Variants in CNTNAP2 observed in about 807,000 individuals in gnomAD.
CNTNAP2 encodes contactin associated protein 2.
Under a neutral mutation model 155.2 loss-of-function variants are expected in CNTNAP2, and 98 were observed. That is an observed-to-expected ratio of 0.63 (90% confidence interval 0.54 to 0.75). The LOEUF is 0.75. Ranked by LOEUF, CNTNAP2 falls within the 30% of genes least tolerant of loss-of-function variation. The pLI is 0.00. For missense variants in CNTNAP2, 1,727 were observed against 1,688.1 expected (o/e 1.02, Z -0.40); for synonymous variants, 651 against 631.2 (o/e 1.03, Z -0.47).
At chr7:147,880,580 G>A (rs1036929389) in intron 13 of CNTNAP2, among the ~76,000 whole-genome samples, 1 of 147,054 alleles carries the variant, frequency 6.8e-6, no homozygotes, top group Non-Finnish European at 1.5e-5. Flanking sequence ...GACTTGGAAA[G>A]TGCCAACTTT....
At chr7:148,400,532 C>T (rs1000373180) in intron 22 of CNTNAP2, among the ~76,000 whole-genome samples, 8 of 152,154 alleles carry the variant, frequency 5.3e-5, no homozygotes, top group African/African-American at 1.9e-4. Context: ...AAATTGGTTC[C>T]AGGACCCCCA....
intron 1 of CNTNAP2, among the ~76,000 whole-genome samples, chr7:146,608,117 A>C (rs895356124): frequency 1.3e-5 from 2 of 152,224 alleles, no homozygotes; most frequent in African/African-American, 4.8e-5. Flanking sequence ...TAAACTAAAC[A>C]AATACTTTAT....
At chr7:147,871,492 T>C (rs534686329) in intron 13 of CNTNAP2, among the ~76,000 whole-genome samples, 25 of 152,222 alleles carry the variant, frequency 1.6e-4, no homozygotes, top group African/African-American at 6.0e-4. Flanking sequence ...TGCCAGAAGG[T>C]CTATTGGTTC....
intron 9 of CNTNAP2, among the ~76,000 whole-genome samples, chr7:147,350,240 A>T (rs1204547654): frequency 6.6e-6 from 1 of 151,928 alleles, no homozygotes; most frequent in Non-Finnish European, 1.5e-5. Context: ...AGAATTCTTC[A>T]GTGCATTTTC....
chr7:147,649,506 T>C (rs982547310), intron 13 of CNTNAP2, among the ~76,000 whole-genome samples: 3 of 152,178 alleles, frequency 2.0e-5, no homozygotes, highest in African/African-American at 7.2e-5. Flanking sequence ...GTTAATCTTT[T>C]TTAAACAAAG....
At chr7:147,758,901 G>A (rs1797257656) in intron 13 of CNTNAP2, among the ~76,000 whole-genome samples, 1 of 152,184 alleles carries the variant, frequency 6.6e-6, no homozygotes, top group African/African-American at 2.4e-5. Context: ...GCAGCCATGG[G>A]CATTTGCTTC....
chr7:146,433,482 G>T (rs542782146), intron 1 of CNTNAP2, among the ~76,000 whole-genome samples: 1 of 152,010 alleles, frequency 6.6e-6, no homozygotes. Flanking sequence ...ATTGACAAAG[G>T]CTTCTCTTTA....
At chr7:147,353,856 T>C (rs1796011888) in intron 9 of CNTNAP2, among the ~76,000 whole-genome samples, 1 of 152,170 alleles carries the variant, frequency 6.6e-6, no homozygotes, top group African/African-American at 2.4e-5. Flanking sequence ...TGAGATGGTA[T>C]CTTATTGTGG....
In CNTNAP2 at chr7:147,394,807, TTGTGTGTG is replaced by T. The variant is rs61695156; in HGVS notation, c.1499-768_1499-761del. Reference sequence around the variant, plus strand: ...CTATTTCCTAATAGAATCAACAGTATTGTGTGTGTGTGTGTGTGTGTGTGTGTGTGTGT... The same window carrying T: ...CTATTTCCTAATAGAATCAACAGTATTGTGTGTGTGTGTGTGTGTGTGTGT... On this transcript the variant is annotated intron_variant, in intron 9 of 23. Coordinates refer to ENST00000361727, the MANE Select transcript of CNTNAP2 (RefSeq NM_014141.6). Among the ~76,000 whole-genome samples, 1,011 of 139,346 alleles carry T rather than the reference TTGTGTGTG, an allele frequency of 7.3e-3. 8 individuals carry two copies. The highest frequency in any genetic ancestry group is 0.046 in the East Asian group (219 of 4,748). The allele number at this position is 139,346 out of a possible 152,430, so 91.4% of individuals were successfully genotyped here.
intron 11 of CNTNAP2, among the ~76,000 whole-genome samples, chr7:147,542,796 G>T (rs1450241530): frequency 6.6e-6 from 1 of 152,182 alleles, no homozygotes; most frequent in African/African-American, 2.4e-5. Flanking sequence ...GTCACATATT[G>T]CTAGGCATCT....
intron 10 of CNTNAP2, among the ~76,000 whole-genome samples, chr7:147,466,442 G>A (rs1051697910): frequency 2.0e-5 from 3 of 152,114 alleles, no homozygotes; most frequent in Non-Finnish European, 4.4e-5. Flanking sequence ...GGGAAAAGGG[G>A]TTCTGGTTTC....
rs1415565959 is a variant in CNTNAP2 at position 148,217,270 on chromosome 7, C to T, written c.3011-18C>T. 2 of 1,613,024 alleles carry T rather than the reference C, an allele frequency of 1.2e-6. No homozygotes were observed. Among genetic ancestry groups the T allele is most frequent in the Non-Finnish European group, 1.7e-6 (2 of 1,179,098 alleles). On this transcript the variant is annotated intron_variant, in intron 18 of 23. Transcript: ENST00000361727. ...AGACCTCTCCTCATTTTTCAATTCT[C>T]TCTCTCCTTTATAACAGATGTTGGT... is the stretch of plus-strand genomic sequence containing the variant.
chr7:146,672,751 A>C (rs1415412779), intron 1 of CNTNAP2, among the ~76,000 whole-genome samples: 1 of 152,182 alleles, frequency 6.6e-6, no homozygotes, highest in Non-Finnish European at 1.5e-5. Context: ...AGAAAGATAA[A>C]ATAACCAAAC....
intron 11 of CNTNAP2, among the ~76,000 whole-genome samples, chr7:147,513,352 A>G (rs950215550): frequency 6.6e-6 from 1 of 150,822 alleles, no homozygotes; most frequent in South Asian, 2.1e-4. Context: ...TTTTTTTTCC[A>G]TTGTACCCCT....
chr7:147,409,022 G>A (rs551126883), intron 10 of CNTNAP2, among the ~76,000 whole-genome samples: 88 of 152,284 alleles, frequency 5.8e-4, no homozygotes, highest in African/African-American at 2.0e-3. Context: ...GCTAGAAAGA[G>A]AAACTGGTTT....
chr7:148,133,292 C>A (rs1050493033), intron 16 of CNTNAP2, among the ~76,000 whole-genome samples: 1 of 151,834 alleles, frequency 6.6e-6, no homozygotes, highest in Non-Finnish European at 1.5e-5. Flanking sequence ...TGAAACCCTG[C>A]CTCTACTAAA....
chr7:146,829,378 C>T (rs1197360658), intron 2 of CNTNAP2, among the ~76,000 whole-genome samples: 1 of 151,786 alleles, frequency 6.6e-6, no homozygotes, highest in Non-Finnish European at 1.5e-5. Context: ...GTCTGCAGAA[C>T]CATTGAAGGA....
At chr7:147,682,586 T>C (rs1422622255) in intron 13 of CNTNAP2, among the ~76,000 whole-genome samples, 1 of 151,926 alleles carries the variant, frequency 6.6e-6, no homozygotes, top group Non-Finnish European at 1.5e-5. Context: ...ATCTGGTGCA[T>C]AATTGTCGGG....
At chr7:146,220,757 T>G (rs55671361) in intron 1 of CNTNAP2, among the ~76,000 whole-genome samples, 4,587 of 152,272 alleles carry the variant, frequency 0.03, 233 homozygotes, top group African/African-American at 0.11. Context: ...TGAAAAAAAT[T>G]AGTTATAAGC....
Sources: allele counts gnomAD v4.1 joint callset (sites outside exome capture counted in the v4.1 genomes callset), GRCh38; gene constraint gnomAD v4.1.1; transcripts MANE v1.5; gene names NCBI Gene and HGNC (gene_info 2026-07-23, HGNC 2026-07-21).